The following RGS10 variants were observed in gnomAD, a reference collection of about 807,000 sequenced individuals.
RGS10 encodes the protein regulator of G protein signaling 10, also known as regulator of G-protein signalling 10.
In RGS10, 11 loss-of-function variants were observed where a neutral mutation model predicts 23.5. The ratio of observed to expected loss-of-function variants is 0.47; its 90% CI spans 0.29 to 0.77. RGS10 has a LOEUF of 0.77. Among genes scored for constraint, RGS10 ranks in the 30% least tolerant of loss-of-function variants. The pLI, the probability that RGS10 is intolerant of heterozygous loss-of-function variation, is 0.08. For synonymous variants in RGS10, 77 were observed against 83.2 expected, an observed-to-expected ratio of 0.92 and a Z score of 0.41; for missense variants, 180 against 226.3, an observed-to-expected ratio of 0.80 and a Z score of 1.31.
chr10:119,510,958 T>A (rs1389423741), intron 4 of RGS10, among the ~76,000 whole-genome samples: 1 of 152,156 alleles, frequency 6.6e-6, no homozygotes, highest in Non-Finnish European at 1.5e-5. Flanking sequence ...GACCTTGTGA[T>A]CTGCCCGCCT....
chr10:119,508,440 T>C (rs548348455), intron 4 of RGS10, among the ~76,000 whole-genome samples: 2 of 152,364 alleles, frequency 1.3e-5, no homozygotes, highest in African/African-American at 2.4e-5. Flanking sequence ...GATCTGGACC[T>C]TTCTATCTTC....
chr10:119,516,512 A>G (rs1445406491), intron 3 of RGS10: 1 of 151,924 alleles, frequency 6.6e-6, no homozygotes, highest in African/African-American at 2.4e-5. Flanking sequence ...GCTCAGTTCC[A>G]CTTCCGCAAG....
rs769393433 is a variant in RGS10 at position 119,536,486 on chromosome 10, T to A, written c.49+6104A>T. The A allele has an allele frequency of 1.7e-5, 27 of 1,612,340 alleles. No individual in the cohort carries two copies. The East Asian group carries it at 5.8e-4, about 35-fold the overall frequency. ...TACGTTCCATGCTCTGGTGTCCACC[T>A]GAGAAGTTCCACGCAGACCAACAAT... On this transcript the variant is annotated intron_variant, in intron 1 of 4. Coordinates refer to ENST00000369103, the MANE Select transcript of RGS10 (RefSeq NM_001005339.2).
chr10:119,525,204 C>T (rs1324804568), intron 3 of RGS10, among the ~76,000 whole-genome samples: 1 of 152,130 alleles, frequency 6.6e-6, no homozygotes, highest in African/African-American at 2.4e-5. Context: ...CCACCAGGGT[C>T]GCAGGGCAAG....
chr10:119,511,960 A>T (rs2133948373), intron 4 of RGS10, among the ~76,000 whole-genome samples: 1 of 152,346 alleles, frequency 6.6e-6, no homozygotes, highest in African/African-American at 2.4e-5. Context: ...AACCAAGAAT[A>T]AACAGGACCT....
At chr10:119,520,019 C>A (rs1274872410) in intron 3 of RGS10, among the ~76,000 whole-genome samples, 1 of 152,200 alleles carries the variant, frequency 6.6e-6, no homozygotes, top group African/African-American at 2.4e-5. Context: ...GGCCCTGTAG[C>A]CCCTACTCTG....
intron 1 of RGS10, 70 bp downstream of exon 1, chr10:119,542,520 G>A: frequency 7.7e-7 from 1 of 1,292,998 alleles, no homozygotes. Flanking sequence ...AGCACAAGAG[G>A]GAGGGCAGGA....
rs530419913 is a variant in RGS10, at chr10:119,514,573, G to T, written c.399+936C>A. ...CTCAGGAGGCTGAGGCATGAGAATCGCTTGAACCTGGGAGGCGGAGGTTGC... is the reference window on the plus strand; with the variant it reads ...CTCAGGAGGCTGAGGCATGAGAATCTCTTGAACCTGGGAGGCGGAGGTTGC... On this transcript the variant is annotated intron_variant, in intron 4 of 4. Transcript: ENST00000369103. Among the ~76,000 whole-genome samples, 12 of 151,008 alleles carry T rather than the reference G, an allele frequency of 7.9e-5. No individual in the cohort carries two copies. In the South Asian group the frequency reaches 1.9e-3, roughly 24 times the overall value.
chr10:119,518,476 C>T (rs973960079), intron 3 of RGS10, among the ~76,000 whole-genome samples: 2 of 152,200 alleles, frequency 1.3e-5, no homozygotes, highest in African/African-American at 4.8e-5. Context: ...CTCTCGAACC[C>T]GGCTCCCTGC....
At chr10:119,510,859 C>CA (rs1844068905) in intron 4 of RGS10, among the ~76,000 whole-genome samples, 1 of 152,098 alleles carries the variant, frequency 6.6e-6, no homozygotes, top group Non-Finnish European at 1.5e-5. Flanking sequence ...GCTGGGACTA[C>CA]AGGCGCCCAC....
Position 119,519,138 on chromosome 10 carries a change from C to T in RGS10, c.256-3486G>A, listed in dbSNP as rs532167822. 2.6e-5 allele frequency among the ~76,000 whole-genome samples: 4 copies of T among 152,348 alleles called. No individual in the cohort carries two copies. The South Asian group carries it at 8.3e-4, about 32-fold the overall frequency. On this transcript the variant is annotated intron_variant, in intron 3 of 4. Transcript: ENST00000369103. ...GCTCCACCAGCCGGCTGACGCTGCC[C>T]AGGCAGCGAGGCCTCTCAGACCTTC... is the stretch of plus-strand genomic sequence containing the variant.
At chr10:119,534,483 C>A (rs186739566) in intron 1 of RGS10, among the ~76,000 whole-genome samples, 1 of 148,278 alleles carries the variant, frequency 6.7e-6, no homozygotes, top group Non-Finnish European at 1.5e-5. Context: ...CTCAGCTACT[C>A]GGGAGGCTGA....
At chr10:119,511,261 C>A (rs1446505073) in intron 4 of RGS10, among the ~76,000 whole-genome samples, 5 of 152,158 alleles carry the variant, frequency 3.3e-5, no homozygotes, top group African/African-American at 7.2e-5. Flanking sequence ...AATCAGAGAA[C>A]CATCTCGCCA....
rs765015134 is a variant in RGS10, at chr10:119,500,268, G to A, written c.400-9C>T. 8 of 1,598,198 alleles carry A rather than the reference G, an allele frequency of 5.0e-6. No individual in the cohort carries two copies. The Admixed American group carries it at 7.2e-5, about 14-fold the overall frequency. On this transcript the variant is annotated splice_polypyrimidine_tract_variant and intron_variant, in intron 4 of 4. Transcript: ENST00000369103. Reference sequence around the variant, plus strand: ...TTCATGAGATTAAAGATCTAAGGAGGAAAAGAAAAAAGAGTCTGAAGGCTG... The same window carrying A: ...TTCATGAGATTAAAGATCTAAGGAGAAAAAGAAAAAAGAGTCTGAAGGCTG...
At chr10:119,541,956 A>G (rs2133963718) in intron 1 of RGS10, among the ~76,000 whole-genome samples, 1 of 152,366 alleles carries the variant, frequency 6.6e-6, no homozygotes. Context: ...TCTTTGGCCT[A>G]TCAAGTTGCC....
intron 4 of RGS10, among the ~76,000 whole-genome samples, chr10:119,509,425 C>G (rs1388927246): frequency 2.0e-5 from 3 of 150,108 alleles, no homozygotes; most frequent in African/African-American, 4.9e-5. Flanking sequence ...CCCATCTTTA[C>G]AAAAAATTAA....
At chr10:119,501,892 A>T (rs2133943285) in intron 4 of RGS10, among the ~76,000 whole-genome samples, 1 of 152,274 alleles carries the variant, frequency 6.6e-6, no homozygotes, top group South Asian at 2.1e-4. Flanking sequence ...GAACTGCCTG[A>T]GTCACTGTGC....
intron 1 of RGS10, among the ~76,000 whole-genome samples, chr10:119,540,683 C>A (rs1027291823): frequency 3.3e-5 from 5 of 152,214 alleles, no homozygotes; most frequent in Non-Finnish European, 7.3e-5. Context: ...CAAAATCACC[C>A]CAAATCCATG....
intron 1 of RGS10, among the ~76,000 whole-genome samples, chr10:119,541,519 G>A (rs1844434717): frequency 6.6e-6 from 1 of 152,184 alleles, no homozygotes. Flanking sequence ...CCCACGGCTG[G>A]TGAATATGGC....
Sources: gnomAD v4.1 joint callset for allele counts (sites outside exome capture counted in the v4.1 genomes callset) on GRCh38, gnomAD v4.1.1 for gene constraint, MANE v1.5 for transcripts, NCBI Gene and HGNC (gene_info 2026-07-23, HGNC 2026-07-21) for gene names.